ADAMTSL1: variants seen among roughly 807,000 people sequenced by gnomAD.
ADAMTSL1 encodes the protein ADAMTS-like protein 1.
Under a neutral mutation model 201.8 loss-of-function variants are expected in ADAMTSL1, and 126 were observed. The ratio of observed to expected loss-of-function variants is 0.62; its 90% CI spans 0.54 to 0.72. ADAMTSL1 has a LOEUF of 0.72. Ranked by LOEUF, ADAMTSL1 falls within the 30% of genes least tolerant of loss-of-function variation. The probability of loss-of-function intolerance (pLI) is 0.00; values close to 1 mark genes in which losing one functional copy is unlikely to be tolerated. For synonymous variants in ADAMTSL1, 1,121 were observed against 903.4 expected, an observed-to-expected ratio of 1.24 and a Z score of -4.32; for missense variants, 2,679 against 2,277.8, an observed-to-expected ratio of 1.18 and a Z score of -3.59.
At chr9:18,372,215 A>G (rs1291401603) in intron 2 of ADAMTSL1, among the ~76,000 whole-genome samples, 1 of 152,182 alleles carries the variant, frequency 6.6e-6, no homozygotes, top group African/African-American at 2.4e-5. Context: ...CTAGAAACTG[A>G]CTTAGAAAAT....
intron 2 of ADAMTSL1, among the ~76,000 whole-genome samples, chr9:18,383,579 G>A (rs942727142): frequency 3.3e-5 from 5 of 152,034 alleles, no homozygotes; most frequent in African/African-American, 1.2e-4. Context: ...GTTTGTTACT[G>A]AGCAATGAAT....
intron 2 of ADAMTSL1, among the ~76,000 whole-genome samples, chr9:18,301,142 G>A (rs990391488): frequency 1.3e-5 from 2 of 152,122 alleles, no homozygotes; most frequent in Non-Finnish European, 2.9e-5. Flanking sequence ...TTAATTGTAA[G>A]ATGCACCATT....
chr9:18,227,720 C>A (rs1830482311), intron 2 of ADAMTSL1, among the ~76,000 whole-genome samples: 1 of 152,148 alleles, frequency 6.6e-6, no homozygotes, highest in Admixed American at 6.6e-5. Flanking sequence ...TTGAAACCTT[C>A]CCTAGCACCC....
intron 4 of ADAMTSL1, among the ~76,000 whole-genome samples, chr9:18,612,470 T>G (rs1256206627): frequency 6.6e-6 from 1 of 152,186 alleles, no homozygotes; most frequent in East Asian, 1.9e-4. Flanking sequence ...GCTTGCTGTA[T>G]GCCAGGCACT....
At position 17,929,124 on chromosome 9, in the gene ADAMTSL1, T is replaced by G. The variant is rs187508190; in HGVS notation, c.87+22202T>G. ...GATGAAGAATAGGGGTTTCTAACCTTTTTAAATATAAAAACTTTTAAAACA... is the reference window on the plus strand; with the variant it reads ...GATGAAGAATAGGGGTTTCTAACCTGTTTAAATATAAAAACTTTTAAAACA... On this transcript the variant is annotated intron_variant, in intron 1 of 29. Coordinates refer to the ADAMTSL1 transcript ENST00000680146. 5.2e-3 allele frequency among the ~76,000 whole-genome samples: 793 copies of G among 152,252 alleles called. 2 individuals carry two copies. Among genetic ancestry groups the G allele is most frequent in the Middle Eastern group, 0.017 (5 of 294 alleles).
chr9:18,705,433 C>T (rs576272325), intron 13 of ADAMTSL1, among the ~76,000 whole-genome samples: 16 of 152,124 alleles, frequency 1.1e-4, no homozygotes, highest in African/African-American at 1.7e-4. Flanking sequence ...GTTATGGCCA[C>T]GGTTGATTAA....
chr9:18,158,808 A>G (rs904385372), intron 1 of ADAMTSL1, among the ~76,000 whole-genome samples: 2 of 152,002 alleles, frequency 1.3e-5, no homozygotes, highest in African/African-American at 2.4e-5. Context: ...CACTGGGACC[A>G]GATTTTCCTT....
intron 1 of ADAMTSL1, among the ~76,000 whole-genome samples, chr9:18,487,881 C>T (rs903825760): frequency 3.9e-5 from 6 of 152,142 alleles, no homozygotes; most frequent in African/African-American, 1.2e-4. Flanking sequence ...CAGCTTGTAC[C>T]GTATTTCATC....
chr9:18,672,056 A>T (rs796179994), intron 9 of ADAMTSL1, among the ~76,000 whole-genome samples: 4 of 151,936 alleles, frequency 2.6e-5, no homozygotes, highest in Admixed American at 6.6e-5. Flanking sequence ...AAATTTAATT[A>T]AAAAAAAGAA....
chr9:18,717,227 A>C (rs1252068245), intron 14 of ADAMTSL1, among the ~76,000 whole-genome samples: 1 of 62,258 alleles, frequency 1.6e-5, no homozygotes, highest in Non-Finnish European at 4.0e-5. Context: ...CTAAAACTTA[A>C]AGTATAATAA....
At chr9:17,936,489 C>G (rs1165847283) in intron 1 of ADAMTSL1, among the ~76,000 whole-genome samples, 1 of 152,136 alleles carries the variant, frequency 6.6e-6, no homozygotes, top group African/African-American at 2.4e-5. Flanking sequence ...AGTCTAGTAG[C>G]CTTCGTTTCC....
intron 5 of ADAMTSL1, among the ~76,000 whole-genome samples, chr9:18,631,539 A>G (rs1487358040): frequency 6.6e-6 from 1 of 152,214 alleles, no homozygotes; most frequent in Non-Finnish European, 1.5e-5. Flanking sequence ...GCATAGAGGG[A>G]AGAGTCTTTA....
At chr9:18,305,152 A>G (rs1371222466) in intron 2 of ADAMTSL1, among the ~76,000 whole-genome samples, 1 of 152,210 alleles carries the variant, frequency 6.6e-6, no homozygotes, top group Non-Finnish European at 1.5e-5. Flanking sequence ...GGACTGTGCC[A>G]TGAGCAACAC....
chr9:18,822,953 C>T (rs1337791203), intron 21 of ADAMTSL1, among the ~76,000 whole-genome samples: 1 of 152,060 alleles, frequency 6.6e-6, no homozygotes, highest in Admixed American at 6.5e-5. Flanking sequence ...TCGTTGTCAT[C>T]TCCTGAGAGA....
chr9:18,532,288 C>T (rs962336919), intron 2 of ADAMTSL1, among the ~76,000 whole-genome samples: 1 of 152,068 alleles, frequency 6.6e-6, no homozygotes, highest in Non-Finnish European at 1.5e-5. Context: ...TTATGGAGTG[C>T]ATTTTGGCAA....
At chr9:18,374,004 G>A (rs1554668069) in intron 2 of ADAMTSL1, among the ~76,000 whole-genome samples, 1 of 152,118 alleles carries the variant, frequency 6.6e-6, no homozygotes, top group Admixed American at 6.5e-5. Flanking sequence ...TTTCCATCTG[G>A]GGAGCTTTCT....
intron 16 of ADAMTSL1, among the ~76,000 whole-genome samples, chr9:18,755,132 A>G (rs1330968380): frequency 6.6e-6 from 1 of 152,192 alleles, no homozygotes; most frequent in Admixed American, 6.5e-5. Context: ...TGTTTTACAG[A>G]TGATGTAACT....
At chr9:18,893,014 C>T (rs1239481305) in intron 26 of ADAMTSL1, among the ~76,000 whole-genome samples, 1 of 151,446 alleles carries the variant, frequency 6.6e-6, no homozygotes, top group Non-Finnish European at 1.5e-5. Context: ...TCTCGTAAGC[C>T]ATTTGTGTCC....
chr9:18,226,738 C>T (rs1830444344), intron 2 of ADAMTSL1, among the ~76,000 whole-genome samples: 1 of 151,956 alleles, frequency 6.6e-6, no homozygotes, highest in South Asian at 2.1e-4. Flanking sequence ...AGTTTGTCCA[C>T]TAGATTTGAA....
Sources: allele counts gnomAD v4.1 joint callset (sites outside exome capture counted in the v4.1 genomes callset), GRCh38; gene constraint gnomAD v4.1.1; transcripts MANE v1.5; gene names NCBI Gene and HGNC (gene_info 2026-07-23, HGNC 2026-07-21).